NDST1: variants seen among roughly 807,000 people sequenced by gnomAD.
The protein encoded by NDST1 is N-deacetylase and N-sulfotransferase 1.
In NDST1, 35 loss-of-function variants were observed where a neutral mutation model predicts 92.8. The observed-to-expected ratio is 0.38, with a 90% confidence interval of 0.29 to 0.50. NDST1 has a LOEUF of 0.50. Ranked by LOEUF, NDST1 falls within the 20% of genes least tolerant of loss-of-function variation. The pLI, the probability that NDST1 is intolerant of heterozygous loss-of-function variation, is 0.94. For missense variants in NDST1, 822 were observed against 1,182.7 expected (o/e 0.69, Z 4.47); for synonymous variants, 493 against 500.3 (o/e 0.99, Z 0.19).
At chr5:150,499,560 G>A (rs182272687) in intron 1 of NDST1, among the ~76,000 whole-genome samples, 58 of 152,312 alleles carry the variant, frequency 3.8e-4, no homozygotes, top group Admixed American at 3.9e-4. Context: ...GGCTCAGGAC[G>A]GTTTCCCCAG....
At chr5:150,548,148 T>C in intron 11 of NDST1, 70 bp from the exon 12 acceptor site, 1 of 1,596,236 alleles carries the variant, frequency 6.3e-7, no homozygotes, top group Non-Finnish European at 8.6e-7. Flanking sequence ...CCTTGCGGGC[T>C]GCTGTCCCTC....
At position 150,554,303 on chromosome 5, in the gene NDST1, G is replaced by A; in HGVS notation, c.*971G>A. The A allele has an allele frequency of 3.4e-6, 1 of 295,734 alleles. No homozygotes were observed. Among genetic ancestry groups the A allele is most frequent in the Non-Finnish European group, 6.1e-6 (1 of 165,230 alleles). 18.3% of individuals were successfully genotyped at this position (295,734 alleles called of 1,614,324 possible). Reference sequence around the variant, plus strand: ...TGTTTTTTTTTTTCTTGGTGCCAGAGTTTATACCCTGGGTGCTGGGGTCGC... The same window carrying A: ...TGTTTTTTTTTTTCTTGGTGCCAGAATTTATACCCTGGGTGCTGGGGTCGC... On this transcript the variant is annotated 3_prime_UTR_variant, in exon 15 of 15. Coordinates refer to ENST00000261797, the MANE Select transcript of NDST1 (RefSeq NM_001543.5).
At chr5:150,505,369 T>C (rs2151241509), upstream of NDST1, among the ~76,000 whole-genome samples, 1 of 152,308 alleles carries the variant, frequency 6.6e-6, no homozygotes, top group Non-Finnish European at 1.5e-5. Context: ...TTTTCTGTTA[T>C]CTGTGGCTGA....
intron 1 of NDST1, among the ~76,000 whole-genome samples, chr5:150,515,356 G>A (rs940339142): frequency 1.3e-5 from 2 of 152,206 alleles, no homozygotes; most frequent in Non-Finnish European, 2.9e-5. Context: ...TGTTGCTAAC[G>A]AATCCCAAAT....
At chr5:150,522,774 G>A (rs532466168) in intron 2 of NDST1, among the ~76,000 whole-genome samples, 2 of 150,898 alleles carry the variant, frequency 1.3e-5, no homozygotes, top group Non-Finnish European at 2.9e-5. Context: ...GGACACAGAG[G>A]GTAGTGGGGG....
At position 150,532,444 on chromosome 5, in the gene NDST1, G is replaced by A. The variant is rs541676539; in HGVS notation, c.1009-501G>A. On this transcript the variant is annotated intron_variant, in intron 3 of 14. Coordinates refer to ENST00000261797, the MANE Select transcript of NDST1 (RefSeq NM_001543.5). ...CATAGGGCTGGTTTCAAGAGTATGT[G>A]ATCTGTGCAGCCACACAGAGCCCCA... Among the ~76,000 whole-genome samples the A allele has an allele frequency of 2.0e-5, 3 of 152,324 alleles. No individual in the cohort carries two copies. In the South Asian group the frequency reaches 6.2e-4, roughly 32 times the overall value.
At chr5:150,542,589 C>A (rs903644045) in intron 9 of NDST1, among the ~76,000 whole-genome samples, 1 of 152,176 alleles carries the variant, frequency 6.6e-6, no homozygotes, top group African/African-American at 2.4e-5. Context: ...GCCACGTCCT[C>A]GTTTAGTGAA....
rs1477148767 is a variant in NDST1 at position 150,553,644 on chromosome 5, C to T, written c.*312C>T. The T allele has an allele frequency of 7.1e-6, 3 of 425,508 alleles. No individual in the cohort carries two copies. Among genetic ancestry groups the T allele is most frequent in the East Asian group, 5.1e-5 (1 of 19,644 alleles). 26.4% of individuals were successfully genotyped at this position (425,508 alleles called of 1,614,324 possible). A position where few individuals can be genotyped will look rare whatever the true frequency, so the allele number is the denominator to read the frequency against. On this transcript the variant is annotated 3_prime_UTR_variant, in exon 15 of 15. Coordinates refer to ENST00000261797, the MANE Select transcript of NDST1 (RefSeq NM_001543.5). This position sits in a 1 kb window ranked among gnomAD's most constrained non-coding sequence, Gnocchi z 4.2. ...ACTCTTTTCTGTCCCTCACTGTGTT[C>T]CGCCGACTGTCCCCTCTCGTCACCC... is the stretch of plus-strand genomic sequence containing the variant.
At chr5:150,535,057 G>A in intron 5 of NDST1, 36 bp downstream of exon 5, 1 of 1,595,168 alleles carries the variant, frequency 6.3e-7, no homozygotes, top group Non-Finnish European at 8.5e-7. Flanking sequence ...AGCGGGGCGG[G>A]CTAAGGGCTG....
Position 150,548,307 on chromosome 5 carries a change from T to C in NDST1, c.2235T>C (p.Arg745=), listed in dbSNP as rs752452029. ...GCTCTGACGCATCCTCGAAGCTGCG[T>C]GCCCTCCAGAACCGCTGCCTGGTCC... ...TAGSDASSKL[R]ALQNRCLVPG... Residue 745 remains arginine (R), a synonymous_variant, in exon 12 of 15, where the codon CGT becomes CGC. Coordinates refer to ENST00000261797, the MANE Select transcript of NDST1 (RefSeq NM_001543.5). 32 of 1,614,022 alleles carry C rather than the reference T, an allele frequency of 2.0e-5. No individual in the cohort carries two copies. The South Asian group carries it at 3.4e-4, about 17-fold the overall frequency.
chr5:150,527,277 C>G (rs145713285), intron 2 of NDST1, among the ~76,000 whole-genome samples: 38 of 152,356 alleles, frequency 2.5e-4, no homozygotes, highest in African/African-American at 8.9e-4. Flanking sequence ...GATGTGAGGA[C>G]TGAATGAGCA....
chr5:150,539,706 G>A (rs1040007285), intron 7 of NDST1: 17 of 984,788 alleles, frequency 1.7e-5, no homozygotes, highest in Non-Finnish European at 2.4e-6. Context: ...TTCCTTATTT[G>A]TAAAATGCAA....
chr5:150,521,746 G>T lies in NDST1; in HGVS notation c.492G>T (p.Val164=). ...ACAAGTACTGTGTGGCCTACGGCGT[G>T]GGCATCATTGGCTTCTTCAAGGTAC... ...LLDKYCVAYG[V]GIIGFFKANE... Residue 164 remains valine (V), a synonymous_variant, in exon 2 of 15, where the codon GTG becomes GTT. Coordinates refer to ENST00000261797, the MANE Select transcript of NDST1 (RefSeq NM_001543.5). This position sits in a 1 kb window ranked among gnomAD's most constrained non-coding sequence, Gnocchi z 5.9. 6.2e-7 allele frequency: 1 copy of T among 1,613,732 alleles called. No individual in the cohort carries two copies. Among genetic ancestry groups the T allele is most frequent in the South Asian group, 1.1e-5 (1 of 91,080 alleles).
chr5:150,541,080 CA>C (rs1450987089), intron 8 of NDST1, among the ~76,000 whole-genome samples: 1 of 152,176 alleles, frequency 6.6e-6, no homozygotes, highest in African/African-American at 2.4e-5. Context: ...ACTCATGGGC[CA>C]AAACCAGCCT....
Position 150,541,588 on chromosome 5 carries a change from C to T in NDST1, c.1768C>T (p.Arg590Cys), listed in dbSNP as rs1287119644. 4.3e-6 allele frequency: 7 copies of T among 1,614,084 alleles called. No individual in the cohort carries two copies. Among genetic ancestry groups the T allele is most frequent in the Non-Finnish European group, 5.9e-6 (7 of 1,180,034 alleles). The change falls in exon 9 of 15, where the codon CGT becomes TGT. Residue 590 changes from arginine (R) to cysteine (C), a missense_variant. Coordinates refer to ENST00000261797, the MANE Select transcript of NDST1 (RefSeq NM_001543.5). ...GTTTTAGGACCCCTGCGAGGACAAA[C>T]GTCACAAAGACATCTGGTCCAAGGA... is the stretch of plus-strand genomic sequence containing the variant. ...PLWQDPCEDK[R>C]HKDIWSKEKT...
At chr5:150,527,101 G>A (rs1754508595) in intron 2 of NDST1, among the ~76,000 whole-genome samples, 1 of 152,228 alleles carries the variant, frequency 6.6e-6, no homozygotes, top group Admixed American at 6.5e-5. Context: ...CGTGGCCAGA[G>A]GCAGTTTGGA....
At chr5:150,528,484 T>C (rs937288261) in intron 3 of NDST1, among the ~76,000 whole-genome samples, 186 bp downstream of exon 3, 8 of 152,216 alleles carry the variant, frequency 5.3e-5, no homozygotes, top group African/African-American at 1.9e-4. Context: ...GAAGCAAGTA[T>C]CATTTAAAAC....
chr5:150,514,418 G>A (rs781561708), intron 1 of NDST1, among the ~76,000 whole-genome samples: 40 of 151,978 alleles, frequency 2.6e-4, no homozygotes, highest in African/African-American at 7.3e-4. Flanking sequence ...AAAATTAGCC[G>A]GGAATGATGG....
At chr5:150,507,224 G>A (rs898583571), upstream of NDST1, among the ~76,000 whole-genome samples, 40 of 152,198 alleles carry the variant, frequency 2.6e-4, no homozygotes, top group African/African-American at 9.6e-4. Flanking sequence ...AGCCTGGAAA[G>A]CCAGCCCAAC....
Sources: gnomAD v4.1 joint callset for allele counts (sites outside exome capture counted in the v4.1 genomes callset) on GRCh38, gnomAD v4.1.1 for gene constraint, Gnocchi (gnomAD v3.1) non-coding constraint, MANE v1.5 for transcripts, NCBI Gene and HGNC (gene_info 2026-07-23, HGNC 2026-07-21) for gene names.